Variants in PFKP observed in about 807,000 individuals in gnomAD.
PFKP encodes ATP-dependent 6-phosphofructokinase, platelet type.
Under a neutral mutation model 94.3 loss-of-function variants are expected in PFKP, and 101 were observed. The observed-to-expected ratio is 1.07, with a 90% CI of 0.91 to 1.26. The LOEUF is 1.26. Among genes scored for constraint, PFKP ranks in the 50% most tolerant of loss-of-function variants. The probability of loss-of-function intolerance (pLI) is 0.00; values close to 1 mark genes in which losing one functional copy is unlikely to be tolerated. For missense variants in PFKP, 1,145 were observed against 1,103.3 expected (o/e 1.04, Z -0.53); for synonymous variants, 573 against 432.6 (o/e 1.32, Z -4.03).
chr10:3,104,183 A>G (rs1030102684), intron 5 of PFKP, among the ~76,000 whole-genome samples: 1 of 152,246 alleles, frequency 6.6e-6, no homozygotes, highest in African/African-American at 2.4e-5. Flanking sequence ...TTTGGAAGGA[A>G]GAAACAAAGT....
intron 16 of PFKP, among the ~76,000 whole-genome samples, chr10:3,127,285 C>T (rs190828349): frequency 3.9e-5 from 6 of 152,374 alleles, no homozygotes; most frequent in East Asian, 3.9e-4. Flanking sequence ...GCTCAGGTGT[C>T]AGGGCTGCGC....
chr10:3,086,853 C>G (rs2131452896), intron 2 of PFKP, among the ~76,000 whole-genome samples: 2 of 152,178 alleles, frequency 1.3e-5, no homozygotes, highest in Non-Finnish European at 2.9e-5. Context: ...CCGTCTGTTT[C>G]CTGGTGGGAT....
At chr10:3,119,091 T>A (rs1259653563) in intron 15 of PFKP, among the ~76,000 whole-genome samples, 1 of 123,284 alleles carries the variant, frequency 8.1e-6, no homozygotes, top group African/African-American at 3.2e-5. Flanking sequence ...AGCAAAAGCT[T>A]GACTCCTTAA....
intron 1 of PFKP, among the ~76,000 whole-genome samples, chr10:3,073,728 T>G (rs1343918016): frequency 6.7e-6 from 1 of 149,452 alleles, no homozygotes; most frequent in African/African-American, 2.5e-5. Flanking sequence ...GGAAAATGAT[T>G]GAAAGGGTGG....
chr10:3,098,291 G>T (rs1012012465), intron 2 of PFKP, among the ~76,000 whole-genome samples: 2 of 152,154 alleles, frequency 1.3e-5, no homozygotes, highest in Non-Finnish European at 2.9e-5. Context: ...TGGAAAGTGA[G>T]TTATGTAGAT....
At chr10:3,079,483 C>T (rs1392550499) in intron 1 of PFKP, among the ~76,000 whole-genome samples, 3 of 152,124 alleles carry the variant, frequency 2.0e-5, no homozygotes, top group African/African-American at 2.4e-5. Context: ...ATCTGCCCAC[C>T]TAGGCCTCCC....
chr10:3,120,372 TGTGTGTGTGTG>T (rs1837287954), intron 16 of PFKP, among the ~76,000 whole-genome samples: 8 of 125,902 alleles, frequency 6.4e-5, no homozygotes, highest in African/African-American at 2.2e-4. Context: ...AAAATCGCTG[TGTGTGTGTGTG>T]TGTGTGTGTG....
At chr10:3,125,801 C>T (rs1242324628) in intron 16 of PFKP, among the ~76,000 whole-genome samples, 4 of 152,146 alleles carry the variant, frequency 2.6e-5, no homozygotes, top group Non-Finnish European at 4.4e-5. Context: ...ACATGGTGGC[C>T]CCTCCGGTCC....
At chr10:3,099,060 G>A (rs1020645317) in intron 2 of PFKP, among the ~76,000 whole-genome samples, 2 of 152,200 alleles carry the variant, frequency 1.3e-5, no homozygotes, top group African/African-American at 4.8e-5. Context: ...GTGAGGCTGA[G>A]TCTAGGCAGA....
At chr10:3,113,985 C>A (rs1378998784) in intron 13 of PFKP, among the ~76,000 whole-genome samples, 1 of 151,888 alleles carries the variant, frequency 6.6e-6, no homozygotes, top group Non-Finnish European at 1.5e-5. Context: ...CCCATTTAAG[C>A]CTCACACTAA....
At chr10:3,104,935 G>C (rs149012340) in intron 5 of PFKP, 180 bp from the exon 6 acceptor site, 3 of 681,698 alleles carry the variant, frequency 4.4e-6, no homozygotes, top group African/African-American at 1.8e-5. Flanking sequence ...ACTGCATAGC[G>C]TTTGCCTTAG....
intron 16 of PFKP, among the ~76,000 whole-genome samples, chr10:3,121,261 G>A (rs1004541218): frequency 6.6e-6 from 1 of 152,202 alleles, no homozygotes; most frequent in Non-Finnish European, 1.5e-5. Flanking sequence ...CGTTGCTTCT[G>A]TTCTCCTGGT....
chr10:3,068,687 G>A (rs1218882130), intron 1 of PFKP: 2 of 984,722 alleles, frequency 2.0e-6, no homozygotes, highest in Non-Finnish European at 2.4e-6. Flanking sequence ...CCGGGTGCAC[G>A]TGGGGGCGCC....
chr10:3,084,703 GCCCCTCC>G (rs1290826004), intron 2 of PFKP, among the ~76,000 whole-genome samples: 33 of 63,190 alleles, frequency 5.2e-4, no homozygotes, highest in African/African-American at 1.7e-3. Flanking sequence ...CAGTCCTCCA[GCCCCTCC>G]CCAGGAGAGT....
rs772069670 is a variant in PFKP at position 3,133,185 on chromosome 10, C to G, written c.1911-18C>G. On this transcript the variant is annotated intron_variant, in intron 18 of 21. Transcript: ENST00000381125. ...CCACTGCACGCTAAACAAAGTGACT[C>G]CTTCTCGCTCGTTTCAGAAATGAGA... The G allele has an allele frequency of 1.3e-6, 2 of 1,590,806 alleles. No individual in the cohort carries two copies. The highest frequency in any genetic ancestry group is 1.7e-6 in the Non-Finnish European group (2 of 1,158,954).
At chr10:3,095,599 T>C (rs1293225689) in intron 2 of PFKP, among the ~76,000 whole-genome samples, 1 of 152,236 alleles carries the variant, frequency 6.6e-6, no homozygotes, top group Non-Finnish European at 1.5e-5. Flanking sequence ...CTGTTTTTCC[T>C]ATGTGAGTCA....
chr10:3,121,522 C>T (rs1174135493), intron 16 of PFKP, among the ~76,000 whole-genome samples: 2 of 150,792 alleles, frequency 1.3e-5, no homozygotes, highest in South Asian at 2.1e-4. Flanking sequence ...AATTTGAGAG[C>T]GGTCGCTGCA....
intron 13 of PFKP, among the ~76,000 whole-genome samples, chr10:3,114,155 C>CTT (rs72054829): frequency 0.31 from 46,061 of 147,474 alleles, 7,468 homozygotes; most frequent in African/African-American, 0.35. Context: ...TTGTGAAATT[C>CTT]TTTTTTTTTT....
intron 2 of PFKP, among the ~76,000 whole-genome samples, chr10:3,085,974 C>T (rs1318576693): frequency 6.6e-6 from 1 of 151,880 alleles, no homozygotes; most frequent in Non-Finnish European, 1.5e-5. Context: ...GTTCCCTCTG[C>T]CTTTTTTTGG....
Sources: gnomAD v4.1 joint callset for allele counts (sites outside exome capture counted in the v4.1 genomes callset) on GRCh38, gnomAD v4.1.1 for gene constraint, MANE v1.5 for transcripts, NCBI Gene and HGNC (gene_info 2026-07-23, HGNC 2026-07-21) for gene names.